SYN3: variants seen among roughly 807,000 people sequenced by gnomAD.
The protein encoded by SYN3 is synapsin-3.
SYN3 carries 35 observed loss-of-function variants against 65.8 expected under a neutral mutation model. The observed-to-expected ratio is 0.53, with a 90% CI of 0.41 to 0.70. The LOEUF (loss-of-function observed/expected upper bound fraction) is 0.70. SYN3 is among the 30% of genes least tolerant of loss of function. The pLI, the probability that SYN3 is intolerant of heterozygous loss-of-function variation, is 0.00. For missense variants in SYN3, 680 were observed against 749.0 expected (o/e 0.91, Z 1.08); for synonymous variants, 270 against 292.9 (o/e 0.92, Z 0.80).
intron 7 of SYN3, among the ~76,000 whole-genome samples, chr22:32,585,960 A>G (rs199500358): frequency 0.26 from 8,858 of 33,954 alleles, 698 homozygotes; most frequent in East Asian, 0.45. Context: ...ATATATGTGT[A>G]TATACGTATA....
chr22:32,542,325 G>A (rs537783026), intron 7 of SYN3, among the ~76,000 whole-genome samples: 188 of 152,266 alleles, frequency 1.2e-3, no homozygotes, highest in African/African-American at 4.3e-3. Context: ...GTGTGTATGT[G>A]TAGGGAGCAT....
chr22:32,525,871 G>A (rs777396067), intron 12 of SYN3, among the ~76,000 whole-genome samples: 13 of 152,192 alleles, frequency 8.5e-5, no homozygotes, highest in Non-Finnish European at 4.4e-5. Flanking sequence ...ACAGCATCAC[G>A]TACTGCAGAG....
intron 1 of SYN3, among the ~76,000 whole-genome samples, chr22:33,052,968 A>G (rs1190403580): frequency 2.0e-5 from 3 of 152,248 alleles, no homozygotes; most frequent in Non-Finnish European, 4.4e-5. Context: ...AATAGTGTAC[A>G]GAGTGTGGCA....
At chr22:32,961,791 G>T (rs1166939870) in intron 3 of SYN3, among the ~76,000 whole-genome samples, 1 of 152,232 alleles carries the variant, frequency 6.6e-6, no homozygotes, top group African/African-American at 2.4e-5. Flanking sequence ...TTACAAATGA[G>T]TCAACTTACA....
At chr22:32,991,251 T>C (rs1334312869) in intron 2 of SYN3, among the ~76,000 whole-genome samples, 3 of 150,876 alleles carry the variant, frequency 2.0e-5, no homozygotes, top group Non-Finnish European at 4.4e-5. Context: ...GGCAGGAGAA[T>C]AGCTTGAACT....
chr22:32,846,516 G>A (rs1388880800), intron 6 of SYN3, among the ~76,000 whole-genome samples: 2 of 152,166 alleles, frequency 1.3e-5, no homozygotes, highest in Admixed American at 6.5e-5. Flanking sequence ...ACTACATACT[G>A]TTCTCAGCGC....
At chr22:32,707,185 A>G (rs185506412) in intron 6 of SYN3, among the ~76,000 whole-genome samples, 2 of 152,336 alleles carry the variant, frequency 1.3e-5, no homozygotes, top group Admixed American at 1.3e-4. Flanking sequence ...GAGAACGCAT[A>G]AAGACTCTCA....
chr22:32,769,915 A>G (rs567318526), intron 6 of SYN3, among the ~76,000 whole-genome samples: 27 of 152,276 alleles, frequency 1.8e-4, no homozygotes, highest in African/African-American at 6.5e-4. Context: ...ACTAAATATC[A>G]TCCATGTGTT....
At chr22:32,532,797 G>A (rs1340175178) in intron 10 of SYN3, among the ~76,000 whole-genome samples, 1 of 152,210 alleles carries the variant, frequency 6.6e-6, no homozygotes, top group Non-Finnish European at 1.5e-5. Flanking sequence ...CACACCCCGG[G>A]GAGGGGACGG....
intron 6 of SYN3, among the ~76,000 whole-genome samples, chr22:32,846,277 T>C (rs556880904): frequency 6.6e-6 from 1 of 152,330 alleles, no homozygotes; most frequent in East Asian, 1.9e-4. Flanking sequence ...CTATACTTGT[T>C]CTGACTACTT....
intron 7 of SYN3, among the ~76,000 whole-genome samples, chr22:32,542,609 G>A (rs2058274805): frequency 6.7e-6 from 1 of 148,632 alleles, no homozygotes; most frequent in Admixed American, 6.8e-5. Flanking sequence ...TATATAGTAT[G>A]CAGTGCTTCT....
rs868077238 is a variant in SYN3 at position 32,527,807 on chromosome 22, T to C, written c.1318+111A>G. Reference sequence around the variant, plus strand: ...AGTCTCATTCATTCTGTGGATAAAGTATTCAGGTGCATTTTCCCAGAGCCC... The same window carrying C: ...AGTCTCATTCATTCTGTGGATAAAGCATTCAGGTGCATTTTCCCAGAGCCC... On this transcript the variant is annotated intron_variant, in intron 12 of 13. Transcript: ENST00000358763. The C allele has an allele frequency of 1.2e-4, 106 of 872,938 alleles. 1 individual carries two copies. The African/African-American group carries it at 1.4e-3, about 12-fold the overall frequency. 54.1% of individuals were successfully genotyped at this position (872,938 alleles called of 1,614,324 possible). A position where few individuals can be genotyped will look rare whatever the true frequency, so the allele number is the denominator to read the frequency against.
At chr22:32,848,960 G>A (rs1231746723) in intron 6 of SYN3, among the ~76,000 whole-genome samples, 1 of 152,162 alleles carries the variant, frequency 6.6e-6, no homozygotes, top group Non-Finnish European at 1.5e-5. Context: ...AAGCTAGGGT[G>A]CACCACAACC....
intron 9 of SYN3, among the ~76,000 whole-genome samples, chr22:32,535,194 C>A (rs546366348): frequency 3.3e-5 from 5 of 152,336 alleles, no homozygotes; most frequent in African/African-American, 1.2e-4. Flanking sequence ...AGCCACCCTT[C>A]CTCTCATTCT....
At chr22:32,617,936 G>C (rs1354426206) in intron 6 of SYN3, among the ~76,000 whole-genome samples, 1 of 151,924 alleles carries the variant, frequency 6.6e-6, no homozygotes, top group Non-Finnish European at 1.5e-5. Context: ...CTTAGTAGTA[G>C]GCACTCTATT....
At chr22:32,528,080 TGAA>T in intron 11 of SYN3, 75 bp from the exon 12 acceptor site, 4 of 1,162,536 alleles carry the variant, frequency 3.4e-6, no homozygotes, top group Non-Finnish European at 4.8e-6. Flanking sequence ...GCAGCATTTA[TGAA>T]GATCTTTTTA....
intron 6 of SYN3, among the ~76,000 whole-genome samples, chr22:32,841,694 T>C (rs990071761): frequency 3.0e-4 from 1 of 3,324 alleles, no homozygotes; most frequent in Non-Finnish European, 6.8e-4. Context: ...GTGGGTGGGG[T>C]AGGGGAGGGA....
intron 9 of SYN3, among the ~76,000 whole-genome samples, chr22:32,537,167 C>CG (rs2058179409): frequency 6.7e-6 from 1 of 149,122 alleles, no homozygotes; most frequent in East Asian, 2.0e-4. Context: ...CCTTCCCCCC[C>CG]TTTTTTTTTT....
intron 6 of SYN3, among the ~76,000 whole-genome samples, chr22:32,645,450 T>TAA (rs766482210): frequency 8.9e-6 from 1 of 111,734 alleles, no homozygotes; most frequent in Non-Finnish European, 1.8e-5. Context: ...AAACTCCGTC[T>TAA]GAAAAAAAAA....
Sources: allele counts gnomAD v4.1 joint callset (sites outside exome capture counted in the v4.1 genomes callset), GRCh38; gene constraint gnomAD v4.1.1; transcripts MANE v1.5; gene names NCBI Gene and HGNC (gene_info 2026-07-23, HGNC 2026-07-21).